CCNDBP1: variants seen among roughly 807,000 people sequenced by gnomAD.
CCNDBP1 encodes cyclin-D1-binding protein 1.
In CCNDBP1, 45 loss-of-function variants were observed where a neutral mutation model predicts 46.2. The ratio of observed to expected loss-of-function variants is 0.97; its 90% CI spans 0.77 to 1.25. The LOEUF (loss-of-function observed/expected upper bound fraction) is 1.25. Ranked by LOEUF, CCNDBP1 falls within the 50% of genes most tolerant of loss-of-function variation. CCNDBP1 has a pLI of 0.00. For synonymous variants in CCNDBP1, 154 were observed against 163.6 expected, an observed-to-expected ratio of 0.94 and a Z score of 0.45; for missense variants, 436 against 442.1, an observed-to-expected ratio of 0.99 and a Z score of 0.12.
At position 43,191,343 on chromosome 15, in the gene CCNDBP1, C is replaced by CTTT. The variant is rs3214529; in HGVS notation, c.580-32_580-30dup. On this transcript the variant is annotated intron_variant, in intron 7 of 10. Coordinates refer to ENST00000300213, the MANE Select transcript of CCNDBP1 (RefSeq NM_012142.5). ...GTAAAAGTATAATAATAGGCCTCGC[C>CTTT]TTTTTTTTTTTTTTTTTTTTTTGCA... 3.9e-4 allele frequency: 269 copies of CTTT among 682,406 alleles called. 1 individual carries two copies. Among genetic ancestry groups the CTTT allele is most frequent in the South Asian group, 8.9e-4 (43 of 48,290 alleles). The allele number at this position is 682,406 out of a possible 1,614,324, so 42.3% of individuals were successfully genotyped here.
At chr15:43,186,520 T>A (rs1298518295) in intron 3 of CCNDBP1, among the ~76,000 whole-genome samples, 4 of 152,318 alleles carry the variant, frequency 2.6e-5, no homozygotes, top group Non-Finnish European at 5.9e-5. Context: ...TGTTTTCACA[T>A]ACTTGATGGC....
At position 43,196,964 on chromosome 15, in the gene CCNDBP1, T is replaced by C. The variant is rs1301481711; in HGVS notation, c.*2123T>C. The C allele has an allele frequency of 2.2e-5, 8 of 365,210 alleles. No homozygotes were observed. The Admixed American group carries it at 3.1e-4, about 14-fold the overall frequency. 22.6% of individuals were successfully genotyped at this position (365,210 alleles called of 1,614,324 possible). A position where few individuals can be genotyped will look rare whatever the true frequency, so the allele number is the denominator to read the frequency against. On this transcript the variant is annotated 3_prime_UTR_variant, in exon 11 of 11. Transcript: ENST00000300213. ...GGTGGGGTAATGAGTAAGTTCTCGC[T>C]CTATATGTCCCTCCCCCACCCCAGA...
rs2042034612 is a variant in CCNDBP1 at position 43,196,109 on chromosome 15, C to T, written c.*1268C>T. On this transcript the variant is annotated 3_prime_UTR_variant, in exon 11 of 11. Coordinates refer to ENST00000300213, the MANE Select transcript of CCNDBP1 (RefSeq NM_012142.5). The stretch of plus-strand genomic sequence containing the variant: ...TTATATTTCTCTACTGGACCAAATT[C>T]ATGTTATTAACATCAGACTTTAATT... 6.6e-6 allele frequency: 1 copy of T among 152,016 alleles called. No individual in the cohort carries two copies. Among genetic ancestry groups the T allele is most frequent in the South Asian group, 2.1e-4 (1 of 4,824 alleles). 9.4% of individuals were successfully genotyped at this position (152,016 alleles called of 1,614,324 possible).
chr15:43,195,924 G>C lies in CCNDBP1; in HGVS notation c.*1083G>C, dbSNP rs1340761449. 6.6e-6 allele frequency: 1 copy of C among 152,154 alleles called. No individual in the cohort carries two copies. Among genetic ancestry groups the C allele is most frequent in the Non-Finnish European group, 1.5e-5 (1 of 68,026 alleles). 9.4% of individuals were successfully genotyped at this position (152,154 alleles called of 1,614,324 possible). On this transcript the variant is annotated 3_prime_UTR_variant, in exon 11 of 11. Coordinates refer to ENST00000300213, the MANE Select transcript of CCNDBP1 (RefSeq NM_012142.5). ...CAAATGAGTTTTAGCTTACTGTTTT[G>C]AAGTGCCATTTTGTATTGTTAACAA...
rs1325039234 is a variant in CCNDBP1, at chr15:43,191,688, C to T, written c.860+13C>T. On this transcript the variant is annotated intron_variant, in intron 8 of 10. Coordinates refer to ENST00000300213, the MANE Select transcript of CCNDBP1 (RefSeq NM_012142.5). ...AAATCAGCCCTAGGTAAGCGGGATCCCCACTTGAAACATCTGAGCAGCAGC... is the reference window on the plus strand; with the variant it reads ...AAATCAGCCCTAGGTAAGCGGGATCTCCACTTGAAACATCTGAGCAGCAGC... 3.1e-6 allele frequency: 5 copies of T among 1,596,366 alleles called. No individual in the cohort carries two copies. Among genetic ancestry groups the T allele is most frequent in the Non-Finnish European group, 3.4e-6 (4 of 1,176,658 alleles).
intron 3 of CCNDBP1, among the ~76,000 whole-genome samples, chr15:43,187,245 ACT>A (rs765585776): frequency 8.0e-5 from 12 of 150,218 alleles, no homozygotes; most frequent in African/African-American, 1.7e-4. Flanking sequence ...ACAGTGATAA[ACT>A]CTCTCCTCCT....
In CCNDBP1 at chr15:43,191,535, C is replaced by G. The variant is rs780786932; in HGVS notation, c.720C>G (p.Leu240=). Residue 240 remains leucine (L), a synonymous_variant, in exon 8 of 11, where the codon CTC becomes CTG. Coordinates refer to ENST00000300213, the MANE Select transcript of CCNDBP1 (RefSeq NM_012142.5). The part of the protein sequence containing the change: ...DLYWSEDDQE[L]IIPCLALVRA... ...ATTGGTCAGAGGACGATCAAGAGCT[C>G]ATAATCCCATGCCTTGCGCTGGTGA... 12 of 1,613,980 alleles carry G rather than the reference C, an allele frequency of 7.4e-6. No homozygotes were observed. The highest frequency in any genetic ancestry group is 1.3e-5 in the African/African-American group (1 of 74,884).
chr15:43,186,053 T>G, intron 2 of CCNDBP1, 101 bp from the exon 3 acceptor site: 1 of 1,270,538 alleles, frequency 7.9e-7, no homozygotes, highest in Non-Finnish European at 1.1e-6. Flanking sequence ...ACCTCGACAT[T>G]CGGGAAGTGT....
chr15:43,190,447 A>G (rs1284368407), intron 6 of CCNDBP1, 49 bp downstream of exon 6: 1 of 1,434,050 alleles, frequency 7.0e-7, no homozygotes, highest in Non-Finnish European at 9.8e-7. Flanking sequence ...AAGCAAAGAG[A>G]CCTCATGTCT....
chr15:43,186,921 A>T (rs1442785548), intron 3 of CCNDBP1, among the ~76,000 whole-genome samples: 1 of 152,248 alleles, frequency 6.6e-6, no homozygotes, highest in South Asian at 2.1e-4. Flanking sequence ...CAGTGTCGTG[A>T]TGAATTACCT....
rs1306680570 is a variant in CCNDBP1, at chr15:43,185,619, G to A, written c.109+12G>A. Reference sequence around the variant, plus strand: ...GCCTCGAGTGCGGGGTGAGCTGACGGAGTTAGAACGGGCGACGGCAGGGGC... The same window carrying A: ...GCCTCGAGTGCGGGGTGAGCTGACGAAGTTAGAACGGGCGACGGCAGGGGC... On this transcript the variant is annotated intron_variant, in intron 1 of 10. Coordinates refer to ENST00000300213, the MANE Select transcript of CCNDBP1 (RefSeq NM_012142.5). 7.1e-7 allele frequency: 1 copy of A among 1,403,422 alleles called. No individual in the cohort carries two copies. Among genetic ancestry groups the A allele is most frequent in the Admixed American group, 2.0e-5 (1 of 48,872 alleles). The allele number at this position is 1,403,422 out of a possible 1,614,324, so 86.9% of individuals were successfully genotyped here.
chr15:43,185,746 G>C (rs1188125238), intron 1 of CCNDBP1, 74 bp from the exon 2 acceptor site: 32 of 1,521,496 alleles, frequency 2.1e-5, no homozygotes, highest in South Asian at 1.2e-5. Context: ...CCGGGCTTGG[G>C]CGAGGGAGGT....
intron 9 of CCNDBP1, chr15:43,193,046 C>A: frequency 1.9e-6 from 1 of 517,714 alleles, no homozygotes; most frequent in South Asian, 2.7e-5. Context: ...TTCAGAAAAG[C>A]CCAAAGGCCT....
At chr15:43,194,373 T>A (rs2042011164) in intron 9 of CCNDBP1, 42 bp from the exon 10 acceptor site, 4 of 1,511,026 alleles carry the variant, frequency 2.6e-6, no homozygotes, top group Non-Finnish European at 3.5e-6. Context: ...CACCTTTTTA[T>A]GGTAGGGCTC....
At position 43,195,012 on chromosome 15, in the gene CCNDBP1, T is replaced by G. The variant is rs1054540986; in HGVS notation, c.*171T>G. 1 of 525,070 alleles carries G rather than the reference T, an allele frequency of 1.9e-6. No homozygotes were observed. The highest frequency in any genetic ancestry group is 2.0e-5 in the African/African-American group (1 of 50,808). 32.5% of individuals were successfully genotyped at this position (525,070 alleles called of 1,614,324 possible). On this transcript the variant is annotated 3_prime_UTR_variant, in exon 11 of 11. Coordinates refer to ENST00000300213, the MANE Select transcript of CCNDBP1 (RefSeq NM_012142.5). ...TTGGTTAGGCCAGATTGACACCTAT[T>G]TATAAACCATATGCGTATATTTTTC...
intron 9 of CCNDBP1, chr15:43,193,249 C>T (rs1021602435): frequency 6.9e-6 from 1 of 144,982 alleles, no homozygotes; most frequent in Non-Finnish European, 1.5e-5. Flanking sequence ...AGGAGAATCG[C>T]TTGAAGCCGG....
In CCNDBP1 at chr15:43,195,019, C is replaced by G; in HGVS notation, c.*178C>G. 6.1e-6 allele frequency: 3 copies of G among 493,364 alleles called. No homozygotes were observed. Among genetic ancestry groups the G allele is most frequent in the Non-Finnish European group, 1.1e-5 (3 of 278,578 alleles). The allele number at this position is 493,364 out of a possible 1,614,324, so 30.6% of individuals were successfully genotyped here. ...GGCCAGATTGACACCTATTTATAAA[C>G]CATATGCGTATATTTTTCTGTGCTA... On this transcript the variant is annotated 3_prime_UTR_variant, in exon 11 of 11. Transcript: ENST00000300213.
In CCNDBP1 at chr15:43,191,007, G is replaced by A. The variant is rs1341888150; in HGVS notation, c.544G>A (p.Asp182Asn). The change falls in exon 7 of 11, where the codon GAT (aspartate) becomes AAT (asparagine). Residue 182 changes from aspartate (D) to asparagine (N), a missense_variant. Asp to Asn is a conservative substitution (Grantham distance 23, BLOSUM62 1). Transcript: ENST00000300213. ...TCTTTTGATGCTGACCAAGAATGTG[G>A]ATTTTGTGAAGGATGCACATGAAGA... Reference protein sequence around the residue: ...AALLMLTKNVDFVKDAHEEME... With the variant: ...AALLMLTKNVNFVKDAHEEME... 6.2e-7 allele frequency: 1 copy of A among 1,614,134 alleles called. No homozygotes were observed. The highest frequency in any genetic ancestry group is 1.7e-5 in the Admixed American group (1 of 60,030).
At chr15:43,186,569 T>A (rs919772989) in intron 3 of CCNDBP1, among the ~76,000 whole-genome samples, 2 of 152,196 alleles carry the variant, frequency 1.3e-5, no homozygotes, top group Non-Finnish European at 2.9e-5. Flanking sequence ...AAGCTCAGCT[T>A]AAGATTTAAA....
Sources: allele counts gnomAD v4.1 joint callset (sites outside exome capture counted in the v4.1 genomes callset), GRCh38; gene constraint gnomAD v4.1.1; transcripts MANE v1.5; gene names NCBI Gene and HGNC (gene_info 2026-07-23, HGNC 2026-07-21).